Variants in NELFB observed in about 807,000 individuals in gnomAD.
The protein encoded by NELFB is negative elongation factor complex member B, also known as negative elongation factor B.
In NELFB, 34 loss-of-function variants were observed where a neutral mutation model predicts 60.2. That is an observed-to-expected ratio of 0.56 (90% confidence interval 0.43 to 0.75). The LOEUF (loss-of-function observed/expected upper bound fraction) is 0.75, where lower values mean the gene tolerates loss of function less well. Ranked by LOEUF, NELFB falls within the 30% of genes least tolerant of loss-of-function variation. The pLI, the probability that NELFB is intolerant of heterozygous loss-of-function variation, is 0.00. For synonymous variants in NELFB, 459 were observed against 382.1 expected (o/e 1.20, Z -2.35); for missense variants, 770 against 831.6 (o/e 0.93, Z 0.91).
intron 5 of NELFB, among the ~76,000 whole-genome samples, chr9:137,263,474 C>G (rs1292196298): frequency 7.0e-6 from 1 of 142,710 alleles, no homozygotes; most frequent in Non-Finnish European, 1.5e-5. Flanking sequence ...CTCTCCTTCC[C>G]CCTCTGCCCC....
chr9:137,261,012 T>C (rs1261680506), intron 4 of NELFB, among the ~76,000 whole-genome samples: 1 of 149,500 alleles, frequency 6.7e-6, no homozygotes, highest in Non-Finnish European at 1.5e-5. Flanking sequence ...TTAGCCAAGA[T>C]TGCGCCACTG....
At chr9:137,271,881 C>T (rs1830588058) in intron 10 of NELFB, among the ~76,000 whole-genome samples, 200 bp from the exon 11 acceptor site, 1 of 151,216 alleles carries the variant, frequency 6.6e-6, no homozygotes, top group South Asian at 2.1e-4. Flanking sequence ...TTCCCTGCCA[C>T]AGGTCCCACC....
intron 4 of NELFB, among the ~76,000 whole-genome samples, chr9:137,261,657 CAAAAAAAAAA>C (rs56873736): frequency 1.6e-4 from 22 of 140,226 alleles, no homozygotes; most frequent in South Asian, 6.7e-4. Flanking sequence ...GACTCCGTCT[CAAAAAAAAAA>C]AAAAAAAAAA....
chr9:137,266,299 T>C, intron 7 of NELFB, 32 bp from the exon 8 acceptor site: 1 of 1,588,628 alleles, frequency 6.3e-7, no homozygotes, highest in South Asian at 1.1e-5. Flanking sequence ...CACAGCTGCC[T>C]GGGAGAGGCG....
Position 137,267,495 on chromosome 9 carries a change from T to C in NELFB, c.1489+149T>C. On this transcript the variant is annotated intron_variant, in intron 10 of 12. Coordinates refer to ENST00000343053, the MANE Select transcript of NELFB (RefSeq NM_015456.5). ...TTTGCTAGCTTTGTTTTCACCTTTTTTTTTTTTTTTTTTTTGAGATGGAGT... is the reference window on the plus strand; with the variant it reads ...TTTGCTAGCTTTGTTTTCACCTTTTCTTTTTTTTTTTTTTTGAGATGGAGT... 1.3e-4 allele frequency: 78 copies of C among 592,880 alleles called. No individual in the cohort carries two copies. In the East Asian group the frequency reaches 1.3e-3, roughly 10 times the overall value. 36.7% of individuals were successfully genotyped at this position (592,880 alleles called of 1,614,324 possible). A position where few individuals can be genotyped will look rare whatever the true frequency, so the allele number is the denominator to read the frequency against.
intron 8 of NELFB, 133 bp from the exon 9 acceptor site, chr9:137,266,811 G>A (rs1392256529): frequency 8.5e-6 from 9 of 1,058,134 alleles, no homozygotes; most frequent in Non-Finnish European, 1.2e-5. Flanking sequence ...AGGGACCTGG[G>A]GACCTGGAGA....
At chr9:137,263,243 TC>T (rs1337085436) in intron 5 of NELFB, 21 bp downstream of exon 5, 2 of 1,586,634 alleles carry the variant, frequency 1.3e-6, no homozygotes, top group Non-Finnish European at 8.6e-7. Context: ...CCTCCCTCCT[TC>T]CCCCCTACCC....
intron 10 of NELFB, among the ~76,000 whole-genome samples, chr9:137,270,793 C>T (rs978715014): frequency 1.3e-4 from 19 of 151,936 alleles, no homozygotes; most frequent in Admixed American, 6.5e-5. Flanking sequence ...CGGTGGCGCA[C>T]GCGTGTAATC....
intron 4 of NELFB, 68 bp downstream of exon 4, chr9:137,257,122 C>T (rs1356977276): frequency 7.3e-7 from 1 of 1,376,488 alleles, no homozygotes; most frequent in Admixed American, 1.8e-5. Flanking sequence ...CCTTCAGCTG[C>T]CTGGGGATCA....
chr9:137,256,362 C>T lies in NELFB; in HGVS notation c.444C>T (p.Ser148=). 6.2e-7 allele frequency: 1 copy of T among 1,614,056 alleles called. No homozygotes were observed. The highest frequency in any genetic ancestry group is 1.1e-5 in the South Asian group (1 of 91,090). Reference sequence around the variant, plus strand: ...AGCTGGAAGACCTTCTGGAGAAGAGCTTTTCTCTGGTGAAGATGCCGTCCC... The same window carrying T: ...AGCTGGAAGACCTTCTGGAGAAGAGTTTTTCTCTGGTGAAGATGCCGTCCC... The change falls in exon 3 of 13, where the codon AGC becomes AGT. Residue 148 remains serine, a synonymous_variant. Coordinates refer to ENST00000343053, the MANE Select transcript of NELFB (RefSeq NM_015456.5).
chr9:137,272,792 C>G lies in NELFB; in HGVS notation c.1751C>G (p.Ala584Gly). The G allele has an allele frequency of 1.9e-6, 3 of 1,548,008 alleles. No homozygotes were observed. Among genetic ancestry groups the G allele is most frequent in the Non-Finnish European group, 2.6e-6 (3 of 1,145,380 alleles). Residue 584 changes from alanine (A) to glycine (G), a missense_variant, in exon 13 of 13, where the codon GCA becomes GGA. Ala to Gly is a moderately conservative substitution (Grantham distance 60). Transcript: ENST00000343053. ...TGTGGTTCCCCGCAGAGCGGAGAGG[C>G]AGTGAAGGAGCTTTACTCCCAGCTC...
intron 11 of NELFB, 41 bp from the exon 12 acceptor site, chr9:137,272,466 A>C (rs1830594850): frequency 6.3e-7 from 1 of 1,575,312 alleles, no homozygotes; most frequent in South Asian, 1.2e-5. Context: ...GGCAGACAGC[A>C]GGGCCTGCCT....
intron 10 of NELFB, among the ~76,000 whole-genome samples, chr9:137,271,442 C>T (rs1379611764): frequency 6.6e-6 from 1 of 152,274 alleles, no homozygotes; most frequent in Non-Finnish European, 1.5e-5. Context: ...GCCGCCCTCC[C>T]TCCCTGCAGG....
intron 1 of NELFB, 98 bp downstream of exon 1, chr9:137,255,709 C>A: frequency 7.0e-7 from 1 of 1,430,154 alleles, no homozygotes. Context: ...TTCCGGCTTT[C>A]TGCTGGTGGC....
chr9:137,267,716 A>T (rs1292790936), intron 10 of NELFB, among the ~76,000 whole-genome samples: 1 of 150,664 alleles, frequency 6.6e-6, no homozygotes, highest in Non-Finnish European at 1.5e-5. Context: ...CTGGTCTCGA[A>T]CTCCTGACTT....
At chr9:137,261,862 A>G (rs1830450949) in intron 4 of NELFB, among the ~76,000 whole-genome samples, 3 of 151,818 alleles carry the variant, frequency 2.0e-5, no homozygotes, top group Admixed American at 2.0e-4. Context: ...GCTGATATTT[A>G]TTGGATACAA....
rs1211648646 is a variant in NELFB at position 137,255,620 on chromosome 9, G to GC, written c.246+14dup. 1 of 1,543,224 alleles carries GC rather than the reference G, an allele frequency of 6.5e-7. No individual in the cohort carries two copies. Among genetic ancestry groups the GC allele is most frequent in the Non-Finnish European group, 8.7e-7 (1 of 1,144,220 alleles). ...CCATCGAGCAGTTCCAGGTGGGGCG[G>GC]CCCCCGGGGCGGGGGGAGCCCAGTT... On this transcript the variant is annotated intron_variant, in intron 1 of 12. Transcript: ENST00000343053.
At chr9:137,265,672 C>T (rs1830508808) in intron 6 of NELFB, among the ~76,000 whole-genome samples, 1 of 124,212 alleles carries the variant, frequency 8.1e-6, no homozygotes, top group Non-Finnish European at 1.8e-5. Flanking sequence ...ACAGGCTGAG[C>T]CGCCGCGCCC....
rs182592368 is a variant in NELFB, at chr9:137,256,928, C to T, written c.615C>T (p.Phe205=). ...TCTGGCAAGACAACCAGGCCCTCTT[C>T]GGGGACGAGGTTTCCCCACTCCTGA... Residue 205 remains phenylalanine (F), a synonymous_variant, in exon 4 of 13, where the codon TTC becomes TTT. Coordinates refer to ENST00000343053, the MANE Select transcript of NELFB (RefSeq NM_015456.5). The T allele has an allele frequency of 1.9e-5, 30 of 1,614,200 alleles. No individual in the cohort carries two copies. In the East Asian group the frequency reaches 2.5e-4, roughly 13 times the overall value.
Sources: allele counts gnomAD v4.1 joint callset (sites outside exome capture counted in the v4.1 genomes callset), GRCh38; gene constraint gnomAD v4.1.1; transcripts MANE v1.5; gene names NCBI Gene and HGNC (gene_info 2026-07-23, HGNC 2026-07-21).